Variants in SGCE observed in about 807,000 individuals in gnomAD.
SGCE encodes sarcoglycan epsilon, also known as epsilon-sarcoglycan.
SGCE carries 26 observed loss-of-function variants against 57.8 expected under a neutral mutation model. The observed-to-expected ratio is 0.45, with a 90% CI of 0.33 to 0.62. SGCE has a LOEUF of 0.62. Ranked by LOEUF, SGCE falls within the 20% of genes least tolerant of loss-of-function variation. SGCE has a pLI of 0.02. For missense variants in SGCE, 468 were observed against 548.6 expected (o/e 0.85, Z 1.47); for synonymous variants, 183 against 189.5 (o/e 0.97, Z 0.28).
chr7:94,631,885 C>G (rs1175862442), intron 1 of SGCE, among the ~76,000 whole-genome samples: 1 of 151,996 alleles, frequency 6.6e-6, no homozygotes, highest in Non-Finnish European at 1.5e-5. Context: ...ATCTAATTAT[C>G]TAATTCATTC....
At chr7:94,654,195 G>A (rs1808274350) in intron 1 of SGCE, among the ~76,000 whole-genome samples, 1 of 151,874 alleles carries the variant, frequency 6.6e-6, no homozygotes, top group East Asian at 1.9e-4. Flanking sequence ...CTTTTATTAT[G>A]GTAAAATACT....
chr7:94,628,376 GAATT>G lies in SGCE; in HGVS notation c.233-21_233-18del. The G allele has an allele frequency of 6.3e-7, 1 of 1,579,096 alleles. No individual in the cohort carries two copies. The highest frequency in any genetic ancestry group is 1.3e-5 in the African/African-American group (1 of 74,216). On this transcript the variant is annotated intron_variant, in intron 2 of 10. Transcript: ENST00000648936. The stretch of plus-strand genomic sequence containing the variant: ...TAATCTCGCCTAGATAAGAAACAGA[GAATT>G]AAGACATAAGACAGTTATTTTCACA...
At chr7:94,597,245 C>G (rs1798534237) in intron 9 of SGCE, 1 of 152,206 alleles carries the variant, frequency 6.6e-6, no homozygotes, top group Non-Finnish European at 1.5e-5. Context: ...TACCCACTAC[C>G]CATTACTTAC....
intron 6 of SGCE, among the ~76,000 whole-genome samples, chr7:94,602,614 T>C (rs940494787): frequency 6.6e-6 from 1 of 151,888 alleles, no homozygotes; most frequent in African/African-American, 2.4e-5. Context: ...TTGAAACAAC[T>C]CTCCTGCTTT....
At chr7:94,644,961 C>T (rs1488143848) in intron 1 of SGCE, among the ~76,000 whole-genome samples, 1 of 152,194 alleles carries the variant, frequency 6.6e-6, no homozygotes, top group African/African-American at 2.4e-5. Flanking sequence ...GGGTTGTACA[C>T]ATATTAACTA....
intron 3 of SGCE, chr7:94,626,420 A>T (rs1346984127): frequency 6.6e-6 from 1 of 152,008 alleles, no homozygotes; most frequent in East Asian, 1.9e-4. Context: ...TGTAATCCCT[A>T]ATCTACCTAG....
chr7:94,646,919 T>G (rs1239282445), intron 1 of SGCE, among the ~76,000 whole-genome samples: 1 of 152,238 alleles, frequency 6.6e-6, no homozygotes, highest in East Asian at 1.9e-4. Context: ...ATATAAATGT[T>G]CTCCCTCATA....
intron 9 of SGCE, among the ~76,000 whole-genome samples, chr7:94,595,722 AT>A (rs1336192961): frequency 6.6e-6 from 1 of 152,150 alleles, no homozygotes; most frequent in East Asian, 1.9e-4. Flanking sequence ...TAAAAGTTGA[AT>A]TTGCATAAAG....
At chr7:94,594,494 C>G (rs556653981) in intron 9 of SGCE, 1 of 152,106 alleles carries the variant, frequency 6.6e-6, no homozygotes, top group Non-Finnish European at 1.5e-5. Context: ...AGAAAATGCC[C>G]AGACCTGAGG....
chr7:94,605,229 T>C (rs1799934320), intron 5 of SGCE, among the ~76,000 whole-genome samples: 1 of 152,084 alleles, frequency 6.6e-6, no homozygotes, highest in East Asian at 1.9e-4. Context: ...CTATGACTAA[T>C]ATGCAGAGGG....
chr7:94,613,171 T>C (rs775354324), intron 5 of SGCE, among the ~76,000 whole-genome samples: 5 of 152,208 alleles, frequency 3.3e-5, no homozygotes, highest in Non-Finnish European at 5.9e-5. Flanking sequence ...ATTGGATTTG[T>C]CTCATTAAGT....
At chr7:94,648,315 C>A (rs1807391146) in intron 1 of SGCE, among the ~76,000 whole-genome samples, 1 of 140,346 alleles carries the variant, frequency 7.1e-6, no homozygotes. Context: ...GCGGAGGTTG[C>A]AGTGAGCCAA....
chr7:94,609,287 G>A (rs1266278137), intron 5 of SGCE, among the ~76,000 whole-genome samples: 1 of 152,256 alleles, frequency 6.6e-6, no homozygotes, highest in East Asian at 1.9e-4. Context: ...AGCACTTTTG[G>A]AGGCCAAGGT....
intron 5 of SGCE, among the ~76,000 whole-genome samples, chr7:94,606,751 C>T (rs1306924274): frequency 6.6e-6 from 1 of 152,142 alleles, no homozygotes; most frequent in Non-Finnish European, 1.5e-5. Context: ...GAATGGAAAT[C>T]ATACACTGTC....
chr7:94,641,626 G>A (rs1431740697), intron 1 of SGCE, among the ~76,000 whole-genome samples: 1 of 152,146 alleles, frequency 6.6e-6, no homozygotes, highest in South Asian at 2.1e-4. Context: ...AGTTAGTGGA[G>A]TATAGCAAAC....
At chr7:94,607,708 A>G (rs1457854949) in intron 5 of SGCE, among the ~76,000 whole-genome samples, 5 of 152,214 alleles carry the variant, frequency 3.3e-5, no homozygotes, top group Non-Finnish European at 7.3e-5. Flanking sequence ...TTTTCCTACT[A>G]GTATCAGGAA....
intron 7 of SGCE, 33 bp from the exon 8 acceptor site, chr7:94,599,756 A>G (rs1454710352): frequency 2.1e-6 from 3 of 1,397,598 alleles, no homozygotes; most frequent in Non-Finnish European, 1.0e-6. Context: ...GAATTAAATA[A>G]TAGCATTGAT....
chr7:94,599,071 A>T, intron 8 of SGCE, 108 bp from the exon 9 acceptor site: 1 of 761,896 alleles, frequency 1.3e-6, no homozygotes, highest in South Asian at 1.8e-5. Flanking sequence ...AAATAATAAG[A>T]CATTATGGCA....
At chr7:94,616,275 G>A (rs1425746003) in intron 5 of SGCE, among the ~76,000 whole-genome samples, 9 of 152,072 alleles carry the variant, frequency 5.9e-5, no homozygotes, top group Non-Finnish European at 5.9e-5. Flanking sequence ...CTATACATAT[G>A]AAATATGAAA....
Sources: allele counts gnomAD v4.1 joint callset (sites outside exome capture counted in the v4.1 genomes callset), GRCh38; gene constraint gnomAD v4.1.1; transcripts MANE v1.5; gene names NCBI Gene and HGNC (gene_info 2026-07-23, HGNC 2026-07-21).